Variants in RSU1 observed in about 807,000 individuals in gnomAD.
RSU1 encodes Ras suppressor protein 1, also known as rsu-1.
A neutral mutation model predicts 31.1 loss-of-function variants in RSU1; 26 were observed. The observed-to-expected ratio is 0.84, with a 90% CI of 0.61 to 1.16. The LOEUF is 1.16. Among genes scored for constraint, RSU1 ranks in the 50% most tolerant of loss-of-function variants. The pLI, the probability that RSU1 is intolerant of heterozygous loss-of-function variation, is 0.00. For missense variants in RSU1, 320 were observed against 339.1 expected, an observed-to-expected ratio of 0.94 and a Z score of 0.44; for synonymous variants, 164 against 136.3, an observed-to-expected ratio of 1.20 and a Z score of -1.41.
chr10:16,624,271 C>T (rs1394989133), intron 8 of RSU1, among the ~76,000 whole-genome samples: 10 of 151,968 alleles, frequency 6.6e-5, no homozygotes, highest in African/African-American at 1.5e-4. Flanking sequence ...GCTGGTAGAC[C>T]GACTGAGAGC....
chr10:16,598,817 G>T (rs1486358322), intron 8 of RSU1, among the ~76,000 whole-genome samples: 1 of 152,198 alleles, frequency 6.6e-6, no homozygotes, highest in African/African-American at 2.4e-5. Context: ...ATGTGTTAGA[G>T]CAATAGAGAA....
chr10:16,636,972 C>T (rs1834353726), intron 8 of RSU1, among the ~76,000 whole-genome samples: 1 of 152,150 alleles, frequency 6.6e-6, no homozygotes, highest in Admixed American at 6.5e-5. Flanking sequence ...GTATTTTATT[C>T]CCTTTTGTAA....
At chr10:16,712,589 A>T (rs1350466713) in intron 7 of RSU1, among the ~76,000 whole-genome samples, 3 of 152,168 alleles carry the variant, frequency 2.0e-5, no homozygotes, top group Non-Finnish European at 4.4e-5. Context: ...ATCTGGTTGC[A>T]TGAAAATATT....
intron 2 of RSU1, among the ~76,000 whole-genome samples, chr10:16,812,985 CT>C (rs34410264): frequency 0.32 from 46,285 of 145,116 alleles, 7,392 homozygotes; most frequent in African/African-American, 0.42. Flanking sequence ...TGCTGGGAAG[CT>C]TTTTTTTTTT....
chr10:16,666,251 G>T (rs546660947), intron 8 of RSU1, among the ~76,000 whole-genome samples: 1 of 147,306 alleles, frequency 6.8e-6, no homozygotes, highest in South Asian at 2.2e-4. Context: ...GAACTTCAAG[G>T]ATATGATTTG....
At chr10:16,718,703 C>T (rs889714689) in intron 7 of RSU1, among the ~76,000 whole-genome samples, 4 of 152,010 alleles carry the variant, frequency 2.6e-5, no homozygotes, top group South Asian at 2.1e-4. Context: ...AGTGGTGGCC[C>T]GGCATGGTGG....
chr10:16,805,685 CTT>C (rs780025224), intron 2 of RSU1, among the ~76,000 whole-genome samples: 2 of 132,176 alleles, frequency 1.5e-5, no homozygotes, highest in Non-Finnish European at 1.6e-5. Flanking sequence ...AAAAAAAAAG[CTT>C]TTTTTTTTTT....
chr10:16,779,846 C>T (rs1837612809), intron 3 of RSU1, among the ~76,000 whole-genome samples: 1 of 152,062 alleles, frequency 6.6e-6, no homozygotes, highest in Admixed American at 6.6e-5. Context: ...CATTTAAATG[C>T]CAGAAAAATA....
intron 8 of RSU1, among the ~76,000 whole-genome samples, chr10:16,613,838 C>T (rs1588674803): frequency 6.6e-6 from 1 of 150,810 alleles, no homozygotes; most frequent in South Asian, 2.1e-4. Flanking sequence ...TTTCCCCAGA[C>T]ATGACATCTT....
intron 7 of RSU1, among the ~76,000 whole-genome samples, chr10:16,726,013 A>C (rs1050886022): frequency 1.3e-5 from 2 of 151,810 alleles, no homozygotes; most frequent in Non-Finnish European, 2.9e-5. Flanking sequence ...ATGTAGATAC[A>C]TATGCACGTA....
intron 7 of RSU1, chr10:16,722,955 C>CACACATATACATATATGTATATAT (rs1186322727): frequency 1.4e-5 from 2 of 147,696 alleles, no homozygotes; most frequent in Non-Finnish European, 1.5e-5. Context: ...TGTATATATA[C>CACACATATACATATATGTATATAT]ACACATATAC....
At position 16,710,003 on chromosome 10, in the gene RSU1, C is replaced by A. The variant is rs554918966; in HGVS notation, c.599-14848G>T. Among the ~76,000 whole-genome samples the A allele has an allele frequency of 3.9e-5, 6 of 152,214 alleles. No individual in the cohort carries two copies. The East Asian group carries it at 1.2e-3, about 29-fold the overall frequency. ...ACTTCCTCTTTTCCAATTTGGATGC[C>A]TTTTATATCTTTCTCTTCCCTAATG... is the stretch of plus-strand genomic sequence containing the variant. On this transcript the variant is annotated intron_variant, in intron 7 of 8. Transcript: ENST00000345264.
chr10:16,766,597 C>G (rs545024459), intron 3 of RSU1, among the ~76,000 whole-genome samples: 2 of 151,694 alleles, frequency 1.3e-5, no homozygotes, highest in African/African-American at 4.8e-5. Context: ...CGCCTGTAAT[C>G]CCAGCTACTC....
chr10:16,655,595 A>G (rs1408879483), intron 8 of RSU1, among the ~76,000 whole-genome samples: 1 of 152,240 alleles, frequency 6.6e-6, no homozygotes, highest in African/African-American at 2.4e-5. Flanking sequence ...ATTCATATTC[A>G]TAAAATTGTT....
At chr10:16,622,640 G>A (rs919824917) in intron 8 of RSU1, among the ~76,000 whole-genome samples, 2 of 152,192 alleles carry the variant, frequency 1.3e-5, no homozygotes, top group African/African-American at 2.4e-5. Context: ...CAGAGTTCGA[G>A]GAGAGAAAAG....
chr10:16,647,830 A>G (rs1834600037), intron 8 of RSU1, among the ~76,000 whole-genome samples: 1 of 152,162 alleles, frequency 6.6e-6, no homozygotes, highest in Non-Finnish European at 1.5e-5. Flanking sequence ...TGTGAATTTT[A>G]TCTCAATAAA....
chr10:16,680,845 A>G (rs1002975800), intron 8 of RSU1, among the ~76,000 whole-genome samples: 18 of 152,194 alleles, frequency 1.2e-4, no homozygotes, highest in Admixed American at 2.6e-4. Flanking sequence ...AAATGAAACA[A>G]CAAAACAAAA....
At chr10:16,732,180 C>G (rs1273629015) in intron 7 of RSU1, among the ~76,000 whole-genome samples, 2 of 152,166 alleles carry the variant, frequency 1.3e-5, no homozygotes, top group Non-Finnish European at 2.9e-5. Flanking sequence ...AGCCTAACAA[C>G]AGTTTAAATT....
chr10:16,720,685 G>A (rs1328932906), intron 7 of RSU1, among the ~76,000 whole-genome samples: 1 of 152,346 alleles, frequency 6.6e-6, no homozygotes, highest in East Asian at 1.9e-4. Context: ...TGGATGTCTT[G>A]TGTGTATGTG....
Sources: gnomAD v4.1 joint callset for allele counts (sites outside exome capture counted in the v4.1 genomes callset) on GRCh38, gnomAD v4.1.1 for gene constraint, MANE v1.5 for transcripts, NCBI Gene and HGNC (gene_info 2026-07-23, HGNC 2026-07-21) for gene names.